The following PIP4P2 variants were observed in gnomAD, a reference collection of about 807,000 sequenced individuals.
The protein encoded by PIP4P2 is phosphatidylinositol-4,5-bisphosphate 4-phosphatase 2, also known as type 2 phosphatidylinositol 4,5-bisphosphate 4-phosphatase.
A neutral mutation model predicts 33.3 loss-of-function variants in PIP4P2; 19 were observed. The observed-to-expected ratio is 0.57, with a 90% CI of 0.40 to 0.84. The LOEUF is 0.84. PIP4P2 is among the 40% of genes least tolerant of loss of function. The pLI, the probability that PIP4P2 is intolerant of heterozygous loss-of-function variation, is 0.00. For missense variants in PIP4P2, 270 were observed against 324.7 expected (o/e 0.83, Z 1.29); for synonymous variants, 110 against 111.9 (o/e 0.98, Z 0.11).
At chr8:91,040,403 C>CCACCACCACCACCAT (rs1428743256) in intron 1 of PIP4P2, among the ~76,000 whole-genome samples, 1 of 112,952 alleles carries the variant, frequency 8.9e-6, no homozygotes, top group South Asian at 3.6e-4. Flanking sequence ...ATCACCACCA[C>CCACCACCACCACCAT]CACCACCACC....
chr8:91,001,505 GT>G (rs1325854771), intron 5 of PIP4P2, among the ~76,000 whole-genome samples: 9 of 147,000 alleles, frequency 6.1e-5, no homozygotes, highest in African/African-American at 7.4e-5. Context: ...GTATGGCTAA[GT>G]TTTTTTTTTT....
At chr8:91,003,245 T>G (rs1398005761) in intron 5 of PIP4P2, among the ~76,000 whole-genome samples, 2 of 152,132 alleles carry the variant, frequency 1.3e-5, no homozygotes, top group African/African-American at 2.4e-5. Context: ...ACCACTCTAG[T>G]AAATGAATAG....
intron 5 of PIP4P2, among the ~76,000 whole-genome samples, chr8:90,998,147 G>T (rs1811653988): frequency 6.6e-6 from 1 of 151,988 alleles, no homozygotes; most frequent in Non-Finnish European, 1.5e-5. Context: ...ACATCTGGTT[G>T]TTGTTTCTTA....
chr8:91,030,319 T>C (rs1292345672), intron 1 of PIP4P2, among the ~76,000 whole-genome samples: 2 of 151,906 alleles, frequency 1.3e-5, no homozygotes, highest in African/African-American at 4.8e-5. Flanking sequence ...TAGATAGTAA[T>C]AGATCTTCCA....
intron 5 of PIP4P2, among the ~76,000 whole-genome samples, chr8:91,002,395 C>T (rs1434203885): frequency 2.0e-5 from 3 of 152,158 alleles, no homozygotes; most frequent in Admixed American, 6.6e-5. Flanking sequence ...ATTCACTCTT[C>T]AAATTATTAA....
At chr8:91,040,561 A>C in intron 1 of PIP4P2, 83 bp downstream of exon 1, 14 of 1,499,642 alleles carry the variant, frequency 9.3e-6, no homozygotes, top group East Asian at 2.3e-5. Flanking sequence ...CCTCCAAGCT[A>C]GAGCTCCCAG....
intron 1 of PIP4P2, among the ~76,000 whole-genome samples, chr8:91,038,870 G>A (rs576155342): frequency 4.8e-4 from 73 of 152,146 alleles, no homozygotes; most frequent in African/African-American, 1.7e-3. Context: ...GCAGCTTTTT[G>A]CTAAGTCATT....
intron 4 of PIP4P2, among the ~76,000 whole-genome samples, chr8:91,015,351 A>C (rs1811900269): frequency 6.6e-6 from 1 of 152,108 alleles, no homozygotes; most frequent in African/African-American, 2.4e-5. Context: ...GGGGAGAAGG[A>C]GGGAGAGGAC....
chr8:91,010,721 A>C (rs538607814), intron 4 of PIP4P2, among the ~76,000 whole-genome samples: 1 of 151,962 alleles, frequency 6.6e-6, no homozygotes, highest in Admixed American at 6.6e-5. Flanking sequence ...CTGTTCTCTC[A>C]TCTAAAATCT....
rs377049077 is a variant in PIP4P2 at position 90,995,646 on chromosome 8, T to C, written c.*31A>G. The C allele has an allele frequency of 3.3e-5, 53 of 1,597,418 alleles. No individual in the cohort carries two copies. The highest frequency in any genetic ancestry group is 4.3e-5 in the Non-Finnish European group (50 of 1,174,502). ...TAGCTTACCAAGAACTGCTAGACAC[T>C]CTCACCTGCATTACTGAATCATAAA... On this transcript the variant is annotated 3_prime_UTR_variant, in exon 7 of 7. Coordinates refer to ENST00000285419, the MANE Select transcript of PIP4P2 (RefSeq NM_018710.3).
At chr8:91,039,968 T>C (rs1192668717) in intron 1 of PIP4P2, among the ~76,000 whole-genome samples, 1 of 152,186 alleles carries the variant, frequency 6.6e-6, no homozygotes, top group East Asian at 1.9e-4. Context: ...AGATATGTGT[T>C]AAAAATATCC....
At position 91,018,384 on chromosome 8, in the gene PIP4P2, A is replaced by T. The variant is rs1476397946; in HGVS notation, c.486+6T>A. 5.6e-6 allele frequency: 9 copies of T among 1,613,864 alleles called. No homozygotes were observed. Among genetic ancestry groups the T allele is most frequent in the Non-Finnish European group, 7.6e-6 (9 of 1,179,882 alleles). Reference sequence around the variant, plus strand: ...ACAGATTAATGACAAATGTCCAGTGACTTACCAGGAATGTGTTTCCACAGT... The same window carrying T: ...ACAGATTAATGACAAATGTCCAGTGTCTTACCAGGAATGTGTTTCCACAGT... On this transcript the variant is annotated splice_donor_region_variant and intron_variant, in intron 4 of 6. Coordinates refer to ENST00000285419, the MANE Select transcript of PIP4P2 (RefSeq NM_018710.3).
At chr8:91,020,136 G>T in intron 3 of PIP4P2, 21 bp downstream of exon 3, 1 of 1,605,668 alleles carries the variant, frequency 6.2e-7, no homozygotes, top group African/African-American at 1.3e-5. Flanking sequence ...ATGAATCAAT[G>T]AATTAATCTT....
rs1209676123 is a variant in PIP4P2 at position 91,040,725 on chromosome 8, G to C, written c.25C>G (p.Arg9Gly). The stretch of plus-strand genomic sequence containing the variant: ...TGGGATGCTGACAGCAGAGGCGAGC[G>C]TTCGTCCACCCCATCAGCAGCCATG... MAADGVDE[R>G]SPLLSASHSG... is the part of the protein sequence containing the mutation. Residue 9 changes from arginine (R) to glycine (G), a missense_variant, in exon 1 of 7, where the codon CGC becomes GGC. Coordinates refer to ENST00000285419, the MANE Select transcript of PIP4P2 (RefSeq NM_018710.3). 1.2e-6 allele frequency: 2 copies of C among 1,612,560 alleles called. No homozygotes were observed. The highest frequency in any genetic ancestry group is 1.7e-6 in the Non-Finnish European group (2 of 1,180,000).
At chr8:91,040,592 T>C (rs1812292157) in intron 1 of PIP4P2, 52 bp downstream of exon 1, 3 of 1,602,196 alleles carry the variant, frequency 1.9e-6, no homozygotes, top group South Asian at 1.1e-5. Context: ...TTCTGGGCGT[T>C]TCCTTGCAAA....
intron 4 of PIP4P2, among the ~76,000 whole-genome samples, chr8:91,013,081 C>G (rs991341490): frequency 2.0e-5 from 3 of 152,038 alleles, no homozygotes; most frequent in Non-Finnish European, 4.4e-5. Flanking sequence ...AAAATAAAAG[C>G]CAAAATTCTA....
Position 91,018,864 on chromosome 8 carries a change from C to T in PIP4P2, c.363-351G>A, listed in dbSNP as rs555216399. 5.3e-5 allele frequency among the ~76,000 whole-genome samples: 8 copies of T among 152,178 alleles called. No homozygotes were observed. The East Asian group carries it at 1.5e-3, about 29-fold the overall frequency. On this transcript the variant is annotated intron_variant, in intron 3 of 6. Transcript: ENST00000285419. ...GGTAGAAGACTAAGTTAAAAATATT[C>T]TATACCAACAAAAATCTCTGTGCCA... is the stretch of plus-strand genomic sequence containing the variant.
intron 2 of PIP4P2, among the ~76,000 whole-genome samples, chr8:91,021,050 A>G (rs1002964891): frequency 7.2e-5 from 11 of 152,354 alleles, no homozygotes; most frequent in Admixed American, 7.2e-4. Context: ...ATTTAAATTC[A>G]CCATGAAATT....
At chr8:91,025,677 TGA>T (rs1812073476) in intron 1 of PIP4P2, among the ~76,000 whole-genome samples, 2 of 152,182 alleles carry the variant, frequency 1.3e-5, no homozygotes, top group South Asian at 2.1e-4. Context: ...CAGCTTAAAA[TGA>T]GAGATATTTT....
Sources: gnomAD v4.1 joint callset for allele counts (sites outside exome capture counted in the v4.1 genomes callset) on GRCh38, gnomAD v4.1.1 for gene constraint, MANE v1.5 for transcripts, NCBI Gene and HGNC (gene_info 2026-07-23, HGNC 2026-07-21) for gene names.